The following ZFHX3 variants were observed in gnomAD, a reference collection of about 807,000 sequenced individuals.
ZFHX3 encodes the protein zinc finger homeobox protein 3.
ZFHX3 carries 42 observed loss-of-function variants against 279.1 expected under a neutral mutation model. The observed-to-expected ratio is 0.15, with a 90% CI of 0.12 to 0.19. The LOEUF (loss-of-function observed/expected upper bound fraction) is 0.19, where lower values mean the gene tolerates loss of function less well. ZFHX3 is among the 10% of genes least tolerant of loss of function. The pLI is 1.00. For missense variants in ZFHX3, 4,981 were observed against 4,754.0 expected (o/e 1.05, Z -1.40); for synonymous variants, 2,293 against 1,957.8 (o/e 1.17, Z -4.52).
At chr16:72,847,987 T>C (rs1372014263) in intron 4 of ZFHX3, among the ~76,000 whole-genome samples, 3 of 152,088 alleles carry the variant, frequency 2.0e-5, no homozygotes, top group East Asian at 3.9e-4. Flanking sequence ...GTCAGGACAA[T>C]GATTGGAGCC....
chr16:73,816,421 C>G (rs1960572960), intron 1 of ZFHX3, among the ~76,000 whole-genome samples: 1 of 152,050 alleles, frequency 6.6e-6, no homozygotes, highest in African/African-American at 2.4e-5. Context: ...CCAGACTACC[C>G]CCTATCTTTA....
intron 5 of ZFHX3, among the ~76,000 whole-genome samples, chr16:73,204,635 G>C (rs1303683818): frequency 6.6e-6 from 1 of 152,156 alleles, no homozygotes; most frequent in Non-Finnish European, 1.5e-5. Context: ...ACAGGCCATG[G>C]ACTGGTACCA....
At chr16:72,859,667 C>G (rs988479287) in intron 4 of ZFHX3, among the ~76,000 whole-genome samples, 2 of 152,280 alleles carry the variant, frequency 1.3e-5, no homozygotes, top group South Asian at 4.1e-4. Context: ...CACTGGAGTA[C>G]AAGGAAAATT....
chr16:73,209,574 C>G (rs1361568978), intron 5 of ZFHX3, among the ~76,000 whole-genome samples: 1 of 152,160 alleles, frequency 6.6e-6, no homozygotes, highest in Admixed American at 6.5e-5. Flanking sequence ...AAGCACTTCC[C>G]ATTAGGTCCC....
chr16:73,063,821 G>T (rs1254812604), upstream of ZFHX3, among the ~76,000 whole-genome samples: 1 of 152,114 alleles, frequency 6.6e-6, no homozygotes, highest in Non-Finnish European at 1.5e-5. Context: ...GAATACTTTG[G>T]TCAAAATAAA....
intron 6 of ZFHX3, among the ~76,000 whole-genome samples, chr16:73,137,983 G>A (rs548438084): frequency 2.0e-5 from 3 of 152,070 alleles, no homozygotes; most frequent in Non-Finnish European, 4.4e-5. Context: ...GCTTGTCATC[G>A]GAGAAAATCC....
chr16:73,227,078 A>G (rs1292593787), intron 5 of ZFHX3, among the ~76,000 whole-genome samples: 3 of 152,214 alleles, frequency 2.0e-5, no homozygotes, highest in Admixed American at 1.3e-4. Flanking sequence ...TTTCTGGGAC[A>G]CTATTAAACT....
intron 8 of ZFHX3, among the ~76,000 whole-genome samples, chr16:73,070,930 G>A (rs1207432140): frequency 0.011 from 290 of 26,904 alleles, 1 homozygote; most frequent in African/African-American, 0.025. Flanking sequence ...GCGCGCGCGC[G>A]CGCGCGCGCA....
chr16:73,703,059 A>G (rs2053266538), intron 1 of ZFHX3, among the ~76,000 whole-genome samples: 1 of 152,206 alleles, frequency 6.6e-6, no homozygotes, highest in Non-Finnish European at 1.5e-5. Context: ...AGTGATTCAA[A>G]TGGAATGATA....
intron 4 of ZFHX3, among the ~76,000 whole-genome samples, chr16:73,260,976 G>A (rs554462064): frequency 2.0e-5 from 3 of 152,222 alleles, no homozygotes; most frequent in Admixed American, 6.5e-5. Flanking sequence ...GAGCCACTGC[G>A]CCCAGCCTAT....
intron 4 of ZFHX3, among the ~76,000 whole-genome samples, chr16:73,300,161 G>C (rs1011576980): frequency 2.0e-5 from 3 of 151,898 alleles, no homozygotes; most frequent in African/African-American, 7.2e-5. Flanking sequence ...TCAGGAGACT[G>C]AGGCTTGAGC....
intron 3 of ZFHX3, among the ~76,000 whole-genome samples, chr16:73,424,354 G>A (rs2017771506): frequency 2.0e-5 from 3 of 152,222 alleles, no homozygotes; most frequent in Admixed American, 1.3e-4. Context: ...AGGAGAAAGT[G>A]TCTGAAACAC....
intron 5 of ZFHX3, among the ~76,000 whole-genome samples, chr16:73,229,970 A>T (rs1441217404): frequency 6.6e-6 from 1 of 152,206 alleles, no homozygotes. Flanking sequence ...GAGTGGATAG[A>T]TACATGAATG....
At chr16:73,624,862 A>AT (rs1224014249) in intron 2 of ZFHX3, among the ~76,000 whole-genome samples, 2 of 152,090 alleles carry the variant, frequency 1.3e-5, no homozygotes, top group Admixed American at 6.5e-5. Flanking sequence ...AAGATGCTTC[A>AT]TTTTTCCCCA....
At chr16:73,161,543 A>G (rs1967236622) in intron 5 of ZFHX3, among the ~76,000 whole-genome samples, 1 of 152,190 alleles carries the variant, frequency 6.6e-6, no homozygotes, top group African/African-American at 2.4e-5. Context: ...TGCTCAGTAG[A>G]CATTTGGCAC....
At chr16:73,253,059 A>C (rs1377665824) in intron 5 of ZFHX3, among the ~76,000 whole-genome samples, 1 of 152,200 alleles carries the variant, frequency 6.6e-6, no homozygotes, top group Admixed American at 6.5e-5. Flanking sequence ...TGCTGCTCCC[A>C]GGCTGTTCCA....
At chr16:73,301,193 T>G (rs2015048452) in intron 4 of ZFHX3, among the ~76,000 whole-genome samples, 1 of 152,204 alleles carries the variant, frequency 6.6e-6, no homozygotes, top group Admixed American at 6.5e-5. Flanking sequence ...TAGGAGGACT[T>G]GGGCAGTTGT....
chr16:73,421,591 A>G (rs1468091628), intron 3 of ZFHX3, among the ~76,000 whole-genome samples: 2 of 152,234 alleles, frequency 1.3e-5, no homozygotes, highest in Admixed American at 6.5e-5. Flanking sequence ...ATTTTATGCC[A>G]GTAAAAATCA....
At chr16:73,104,958 C>T (rs1015064258) in intron 7 of ZFHX3, among the ~76,000 whole-genome samples, 1 of 152,136 alleles carries the variant, frequency 6.6e-6, no homozygotes, top group Non-Finnish European at 1.5e-5. Context: ...GTATGTTTGT[C>T]ACTGGACCAT....
Sources: gnomAD v4.1 joint callset for allele counts (sites outside exome capture counted in the v4.1 genomes callset) on GRCh38, gnomAD v4.1.1 for gene constraint, MANE v1.5 for transcripts, NCBI Gene and HGNC (gene_info 2026-07-23, HGNC 2026-07-21) for gene names.